PTPRN2: variants seen among roughly 807,000 people sequenced by gnomAD.
The protein encoded by PTPRN2 is protein tyrosine phosphatase receptor type N2.
A neutral mutation model predicts 118.8 loss-of-function variants in PTPRN2; 74 were observed. The ratio of observed to expected loss-of-function variants is 0.62; its 90% CI spans 0.52 to 0.76. The LOEUF (loss-of-function observed/expected upper bound fraction) is 0.76. PTPRN2 is among the 30% of genes least tolerant of loss of function. The pLI, the probability that PTPRN2 is intolerant of heterozygous loss-of-function variation, is 0.00. For synonymous variants in PTPRN2, 641 were observed against 608.0 expected (o/e 1.05, Z -0.80); for missense variants, 1,481 against 1,394.4 (o/e 1.06, Z -0.99).
chr7:158,406,803 G>C (rs1813481841), intron 2 of PTPRN2, among the ~76,000 whole-genome samples: 1 of 152,206 alleles, frequency 6.6e-6, no homozygotes, highest in Non-Finnish European at 1.5e-5. Flanking sequence ...TATTAGATTT[G>C]TGTTTCGGCT....
At chr7:158,528,666 T>C (rs530821823) in intron 1 of PTPRN2, among the ~76,000 whole-genome samples, 1 of 148,120 alleles carries the variant, frequency 6.8e-6, no homozygotes, top group Non-Finnish European at 1.5e-5. Flanking sequence ...TGGTGGCGGG[T>C]GCCTGTACTT....
At chr7:158,239,024 G>C (rs1268339087) in intron 3 of PTPRN2, among the ~76,000 whole-genome samples, 1 of 152,176 alleles carries the variant, frequency 6.6e-6, no homozygotes. Flanking sequence ...GGCCGTGGAG[G>C]GGAGCGGAAA....
chr7:158,125,905 C>T (rs912780449), intron 9 of PTPRN2, among the ~76,000 whole-genome samples: 3 of 152,320 alleles, frequency 2.0e-5, no homozygotes, highest in East Asian at 1.9e-4. Flanking sequence ...TGGCACCCTG[C>T]TGGTTCTCGT....
chr7:157,945,905 C>G (rs1800457967), intron 11 of PTPRN2, among the ~76,000 whole-genome samples: 1 of 152,124 alleles, frequency 6.6e-6, no homozygotes, highest in Admixed American at 6.5e-5. Context: ...AGGAGCCAAG[C>G]TGGGTGCCTT....
intron 6 of PTPRN2, among the ~76,000 whole-genome samples, chr7:158,159,843 G>C (rs6972212): frequency 6.6e-6 from 1 of 152,188 alleles, no homozygotes; most frequent in Non-Finnish European, 1.5e-5. Flanking sequence ...GAGAAGCAGC[G>C]TATAAATATT....
chr7:157,927,323 AAGACAGGAAGCCCCAGGGACCCG>A lies in PTPRN2; in HGVS notation c.1724-28609_1724-28587del, dbSNP rs1563246073. ...GAGACCTCATGTCTTCTGGGACCCC[AAGACAGGAAGCCCCAGGGACCCG>A]TCTGAGAGCAGAGACCTCACGTGTG... On this transcript the variant is annotated intron_variant, in intron 11 of 22. Transcript: ENST00000389418. Among the ~76,000 whole-genome samples, 235 of 52,068 alleles carry A rather than the reference AAGACAGGAAGCCCCAGGGACCCG, an allele frequency of 4.5e-3. 24 individuals are homozygous for A. Among genetic ancestry groups the A allele is most frequent in the African/African-American group, 0.026 (224 of 8,700 alleles). 34.2% of individuals were successfully genotyped at this position (52,068 alleles called of 152,430 possible). A position where few individuals can be genotyped will look rare whatever the true frequency, so the allele number is the denominator to read the frequency against.
chr7:157,821,127 T>C (rs570600662), intron 12 of PTPRN2, among the ~76,000 whole-genome samples: 4 of 152,218 alleles, frequency 2.6e-5, no homozygotes, highest in Non-Finnish European at 4.4e-5. Flanking sequence ...AGCATCCTTG[T>C]GCCAATGCCA....
chr7:158,348,049 TGCAG>T (rs1203078517), intron 2 of PTPRN2, among the ~76,000 whole-genome samples: 3 of 152,086 alleles, frequency 2.0e-5, no homozygotes, highest in Admixed American at 1.3e-4. Flanking sequence ...ACTGGTCAGG[TGCAG>T]GCCCTGACCC....
rs567333627 is a variant in PTPRN2 at position 157,785,297 on chromosome 7, C to T, written c.1789-102360G>A. ...AAGGCCAGTGGTGTAAATCCACACT[C>T]TATGGTGACGGTGGATCCACAGCTG... On this transcript the variant is annotated intron_variant, in intron 12 of 22. Coordinates refer to ENST00000389418, the MANE Select transcript of PTPRN2 (RefSeq NM_002847.5). This position sits in a 1 kb window ranked among gnomAD's most constrained non-coding sequence, Gnocchi z 7.3. Among the ~76,000 whole-genome samples, 1 of 152,192 alleles carries T rather than the reference C, an allele frequency of 6.6e-6. No individual in the cohort carries two copies. Among genetic ancestry groups the T allele is most frequent in the East Asian group, 1.9e-4 (1 of 5,166 alleles).
chr7:157,984,447 AC>A (rs1246888657), intron 11 of PTPRN2, among the ~76,000 whole-genome samples: 2 of 4,430 alleles, frequency 4.5e-4, no homozygotes, highest in Admixed American at 2.7e-3. Flanking sequence ...GCCAGGCTCC[AC>A]CCCCCCCACG....
At chr7:157,855,267 C>T (rs968189813) in intron 12 of PTPRN2, among the ~76,000 whole-genome samples, 1 of 152,148 alleles carries the variant, frequency 6.6e-6, no homozygotes, top group Admixed American at 6.5e-5. Context: ...TCGTGCTCTG[C>T]GGACGCCCAG....
intron 2 of PTPRN2, among the ~76,000 whole-genome samples, chr7:158,375,153 C>G (rs1810402579): frequency 6.6e-6 from 1 of 152,186 alleles, no homozygotes; most frequent in Admixed American, 6.5e-5. Context: ...AGTGGCCGGC[C>G]AGAGCATGAA....
At chr7:158,143,978 C>T (rs1369646479) in intron 6 of PTPRN2, among the ~76,000 whole-genome samples, 2 of 152,122 alleles carry the variant, frequency 1.3e-5, no homozygotes, top group African/African-American at 4.8e-5. Context: ...CCCCGGGCCA[C>T]CACCTGCCCA....
At chr7:157,652,619 G>C (rs1232782166) in intron 14 of PTPRN2, among the ~76,000 whole-genome samples, 2 of 152,130 alleles carry the variant, frequency 1.3e-5, no homozygotes, top group Non-Finnish European at 2.9e-5. Flanking sequence ...CCTGAGACGT[G>C]TGCTCTCCCT....
At chr7:158,307,432 C>A (rs2151064407) in intron 3 of PTPRN2, among the ~76,000 whole-genome samples, 1 of 151,866 alleles carries the variant, frequency 6.6e-6, no homozygotes, top group African/African-American at 2.4e-5. Flanking sequence ...AAATTAGAAA[C>A]CTGTGAGAGA....
intron 10 of PTPRN2, among the ~76,000 whole-genome samples, chr7:158,107,655 AC>A (rs1203995442): frequency 6.6e-6 from 1 of 152,076 alleles, no homozygotes; most frequent in Non-Finnish European, 1.5e-5. Context: ...ACTCAGATCT[AC>A]CCTCATCCTT....
intron 11 of PTPRN2, among the ~76,000 whole-genome samples, chr7:157,966,513 T>C (rs938253241): frequency 8.6e-5 from 13 of 151,928 alleles, no homozygotes; most frequent in Admixed American, 2.0e-4. Context: ...ATCACCATCA[T>C]CTTCATCACC....
intron 11 of PTPRN2, among the ~76,000 whole-genome samples, chr7:158,050,595 G>A (rs1192989308): frequency 6.6e-6 from 1 of 152,170 alleles, no homozygotes; most frequent in East Asian, 1.9e-4. Flanking sequence ...TCCCTCAGCT[G>A]CACACCCTCC....
intron 11 of PTPRN2, among the ~76,000 whole-genome samples, chr7:157,902,989 C>T (rs1359378188): frequency 6.6e-6 from 1 of 152,158 alleles, no homozygotes; most frequent in Non-Finnish European, 1.5e-5. Flanking sequence ...TGTGTTCTTT[C>T]TTCAACAAAT....
Sources: gnomAD v4.1 joint callset for allele counts (sites outside exome capture counted in the v4.1 genomes callset) on GRCh38, gnomAD v4.1.1 for gene constraint, Gnocchi (gnomAD v3.1) non-coding constraint, MANE v1.5 for transcripts, NCBI Gene and HGNC (gene_info 2026-07-23, HGNC 2026-07-21) for gene names.